GPHN: variants seen among roughly 807,000 people sequenced by gnomAD.
The protein encoded by GPHN is gephyrin.
In GPHN, 17 loss-of-function variants were observed where a neutral mutation model predicts 95.5. The observed-to-expected ratio is 0.18, with a 90% confidence interval of 0.12 to 0.27. The LOEUF is 0.27. Among genes scored for constraint, GPHN ranks in the 10% least tolerant of loss-of-function variants. GPHN has a pLI of 1.00. For missense variants in GPHN, 660 were observed against 978.1 expected (o/e 0.67, Z 4.34); for synonymous variants, 320 against 322.5 (o/e 0.99, Z 0.08).
At chr14:66,572,193 C>G (rs746234791) in intron 1 of GPHN, among the ~76,000 whole-genome samples, 3 of 152,134 alleles carry the variant, frequency 2.0e-5, no homozygotes, top group Non-Finnish European at 2.9e-5. Context: ...CAATATGATG[C>G]ATCTAGCTTT....
intron 10 of GPHN, among the ~76,000 whole-genome samples, chr14:67,041,077 A>G (rs2074676228): frequency 6.6e-6 from 1 of 151,990 alleles, no homozygotes; most frequent in South Asian, 2.1e-4. Flanking sequence ...TCTAATTCCA[A>G]TATTTCTTCA....
the GPHN span, among the ~76,000 whole-genome samples, chr14:67,346,044 GCTA>G: frequency 6.6e-6 from 1 of 152,168 alleles, no homozygotes; most frequent in Admixed American, 6.5e-5. Context: ...ATAGGAGCAT[GCTA>G]CTAAATACAG....
intron 4 of GPHN, among the ~76,000 whole-genome samples, chr14:66,872,243 C>A (rs1421450938): frequency 6.6e-6 from 1 of 152,188 alleles, no homozygotes; most frequent in African/African-American, 2.4e-5. Flanking sequence ...ATTCTACTTT[C>A]AAAGAAATAT....
the GPHN span, among the ~76,000 whole-genome samples, chr14:67,520,594 A>G: frequency 6.6e-6 from 1 of 152,226 alleles, no homozygotes; most frequent in Non-Finnish European, 1.5e-5. Flanking sequence ...ACTGAAGGAA[A>G]TCTTGGTTGC....
chr14:66,693,782 C>T (rs1326309251), intron 2 of GPHN, among the ~76,000 whole-genome samples: 1 of 151,964 alleles, frequency 6.6e-6, no homozygotes, highest in Non-Finnish European at 1.5e-5. Flanking sequence ...CAAGGTGGCA[C>T]CAAAAATTAA....
chr14:66,897,881 TCA>T (rs1442923075), intron 5 of GPHN, among the ~76,000 whole-genome samples: 2 of 152,090 alleles, frequency 1.3e-5, no homozygotes, highest in Non-Finnish European at 2.9e-5. Flanking sequence ...CATTTTACAA[TCA>T]CACCAACAAT....
intron 1 of GPHN, among the ~76,000 whole-genome samples, chr14:66,585,497 A>G: frequency 6.6e-6 from 1 of 151,938 alleles, no homozygotes; most frequent in Non-Finnish European, 1.5e-5. Flanking sequence ...TCAATTTTAG[A>G]TCTTTCCTGC....
At chr14:67,709,837 G>A in the GPHN span, among the ~76,000 whole-genome samples, 1 of 152,180 alleles carries the variant, frequency 6.6e-6, no homozygotes, top group Non-Finnish European at 1.5e-5. Context: ...CATAAAGAGT[G>A]TGAAAGGAAA....
the GPHN span, among the ~76,000 whole-genome samples, chr14:67,536,294 T>C: frequency 6.6e-6 from 1 of 151,782 alleles, no homozygotes; most frequent in Non-Finnish European, 1.5e-5. Flanking sequence ...CTGTGTACAC[T>C]CACACCCTTC....
At chr14:66,868,476 C>G (rs1469163086) in intron 4 of GPHN, among the ~76,000 whole-genome samples, 1 of 152,078 alleles carries the variant, frequency 6.6e-6, no homozygotes, top group Admixed American at 6.6e-5. Context: ...TCACTGCAGC[C>G]TCTGCAACCC....
the GPHN span, among the ~76,000 whole-genome samples, chr14:67,418,453 T>G: frequency 0.34 from 51,170 of 152,078 alleles, 12,803 homozygotes; most frequent in African/African-American, 0.68. Flanking sequence ...TACACATCCC[T>G]GTCCCATTGA....
At chr14:67,695,966 T>C in the GPHN span, among the ~76,000 whole-genome samples, 2 of 152,182 alleles carry the variant, frequency 1.3e-5, no homozygotes, top group Admixed American at 1.3e-4. Flanking sequence ...CTCTCAGTTA[T>C]TTTTTCTGCC....
intron 10 of GPHN, among the ~76,000 whole-genome samples, chr14:67,042,714 C>G (rs1199882752): frequency 6.6e-6 from 1 of 152,124 alleles, no homozygotes; most frequent in Non-Finnish European, 1.5e-5. Flanking sequence ...GCTATGTGGG[C>G]TCTTTTTTGG....
chr14:67,504,891 A>T, the GPHN span, among the ~76,000 whole-genome samples: 1 of 143,332 alleles, frequency 7.0e-6, no homozygotes, highest in Non-Finnish European at 1.5e-5. Context: ...CGTCTCAAAC[A>T]AAACAAAACA....
chr14:66,907,549 G>A (rs1162700319), intron 5 of GPHN, among the ~76,000 whole-genome samples: 1 of 151,882 alleles, frequency 6.6e-6, no homozygotes, highest in Non-Finnish European at 1.5e-5. Flanking sequence ...TTTATCACAA[G>A]GAAGGCTTAA....
chr14:67,728,711 G>GGA, the GPHN span, among the ~76,000 whole-genome samples: 1 of 151,034 alleles, frequency 6.6e-6, no homozygotes, highest in East Asian at 2.0e-4. Flanking sequence ...TGTGGGGGGG[G>GGA]GGTGTTAATC....
the GPHN span, chr14:67,336,829 C>T: frequency 4.4e-5 from 20 of 453,422 alleles, no homozygotes; most frequent in Admixed American, 2.4e-4. Context: ...TGAATTTACA[C>T]TGAACCTAAG....
At chr14:67,081,698 C>G (rs1014793191) in intron 11 of GPHN, among the ~76,000 whole-genome samples, 1 of 152,140 alleles carries the variant, frequency 6.6e-6, no homozygotes, top group Admixed American at 6.6e-5. Flanking sequence ...AAGGGTTTTT[C>G]TGATGTTATC....
At chr14:67,027,339 G>C (rs113846263) in intron 10 of GPHN, among the ~76,000 whole-genome samples, 2,831 of 152,044 alleles carry the variant, frequency 0.019, 39 homozygotes, top group African/African-American at 0.026. Context: ...CTTTCTTTCT[G>C]CCCCACCCCG....
Sources: allele counts gnomAD v4.1 joint callset (sites outside exome capture counted in the v4.1 genomes callset), GRCh38; gene constraint gnomAD v4.1.1; transcripts MANE v1.5; gene names NCBI Gene and HGNC (gene_info 2026-07-23, HGNC 2026-07-21).